The following CLEC16A variants were observed in gnomAD, a reference collection of about 807,000 sequenced individuals.
The protein encoded by CLEC16A is C-type lectin domain containing 16A.
In CLEC16A, 51 loss-of-function variants were observed where a neutral mutation model predicts 109.5. That is an observed-to-expected ratio of 0.47 (90% CI 0.37 to 0.59). The LOEUF is 0.59. Among genes scored for constraint, CLEC16A ranks in the 20% least tolerant of loss-of-function variants. CLEC16A has a pLI of 0.00. For synonymous variants in CLEC16A, 673 were observed against 564.2 expected (o/e 1.19, Z -2.73); for missense variants, 1,339 against 1,394.0 (o/e 0.96, Z 0.63).
At chr16:11,155,459 T>C (rs1256329616) in intron 22 of CLEC16A, among the ~76,000 whole-genome samples, 2 of 152,206 alleles carry the variant, frequency 1.3e-5, no homozygotes, top group Non-Finnish European at 2.9e-5. Flanking sequence ...CCCCTGCAGA[T>C]AGCAGAAGGC....
chr16:11,103,497 T>C (rs2051042187), intron 19 of CLEC16A, among the ~76,000 whole-genome samples: 1 of 152,198 alleles, frequency 6.6e-6, no homozygotes, highest in Non-Finnish European at 1.5e-5. Flanking sequence ...GGGGAATCAC[T>C]TGAACCTGGC....
intron 23 of CLEC16A, among the ~76,000 whole-genome samples, chr16:11,170,372 A>G (rs577517022): frequency 6.6e-6 from 1 of 152,232 alleles, no homozygotes; most frequent in African/African-American, 2.4e-5. Context: ...ACGTGGGTTC[A>G]TCCCACATGA....
chr16:11,057,424 G>A (rs1213932947), intron 18 of CLEC16A, among the ~76,000 whole-genome samples: 1 of 152,224 alleles, frequency 6.6e-6, no homozygotes, highest in Admixed American at 6.5e-5. Context: ...CTGGGCTTGG[G>A]CACGTCACGT....
rs752723469 is a variant in CLEC16A at position 11,142,847 on chromosome 16, A to G, written c.2641+16701A>G. ...TTTTTTGGAGACAGAGTCTTGCTCT[A>G]TCACCCAGGCTGGAGTGCAGTGGCA... On this transcript the variant is annotated intron_variant, in intron 22 of 23. Coordinates refer to ENST00000409790, the MANE Select transcript of CLEC16A (RefSeq NM_015226.3). Among the ~76,000 whole-genome samples, 10 of 152,152 alleles carry G rather than the reference A, an allele frequency of 6.6e-5. 1 individual carries two copies. The East Asian group carries it at 1.2e-3, about 18-fold the overall frequency.
chr16:11,114,212 C>T lies in CLEC16A; in HGVS notation c.2117-6403C>T, dbSNP rs553804050. Reference sequence around the variant, plus strand: ...AATCCCCATTCCTGGCTGCCCCCTTCCCCTCATCTGTGAATGGCCTATGCA... The same window carrying T: ...AATCCCCATTCCTGGCTGCCCCCTTTCCCTCATCTGTGAATGGCCTATGCA... On this transcript the variant is annotated intron_variant, in intron 19 of 23. Transcript: ENST00000409790. Among the ~76,000 whole-genome samples the T allele has an allele frequency of 1.1e-4, 16 of 151,258 alleles. No homozygotes were observed. In the South Asian group the frequency reaches 3.1e-3, roughly 30 times the overall value.
At chr16:11,063,818 TGTTTTTCAC>T (rs146884778) in intron 19 of CLEC16A, among the ~76,000 whole-genome samples, 4,505 of 151,990 alleles carry the variant, frequency 0.03, 96 homozygotes, top group Non-Finnish European at 0.042. Flanking sequence ...AAGCCTGTTT[TGTTTTTCAC>T]TAGAGAGGAG....
At chr16:11,091,454 GC>G (rs891549976) in intron 19 of CLEC16A, among the ~76,000 whole-genome samples, 2 of 152,218 alleles carry the variant, frequency 1.3e-5, no homozygotes, top group African/African-American at 4.8e-5. Context: ...GGCGGGTGGG[GC>G]TGTGTGCCCT....
At chr16:11,115,095 A>G (rs1178312348) in intron 19 of CLEC16A, among the ~76,000 whole-genome samples, 1 of 152,204 alleles carries the variant, frequency 6.6e-6, no homozygotes, top group African/African-American at 2.4e-5. Flanking sequence ...TCAGGCAGCC[A>G]GGCTCTATGA....
chr16:11,160,266 G>T (rs898823252), intron 22 of CLEC16A, among the ~76,000 whole-genome samples: 6 of 152,140 alleles, frequency 3.9e-5, no homozygotes, highest in African/African-American at 7.2e-5. Flanking sequence ...AACTTTTGGT[G>T]CAAGCCCACT....
chr16:11,074,931 G>C (rs539853882), intron 19 of CLEC16A, among the ~76,000 whole-genome samples: 4 of 152,108 alleles, frequency 2.6e-5, no homozygotes, highest in African/African-American at 9.6e-5. Context: ...CCAGCACTTT[G>C]GGAGGCTGAG....
At chr16:11,007,062 T>C (rs114082310) in intron 11 of CLEC16A, among the ~76,000 whole-genome samples, 2,109 of 152,308 alleles carry the variant, frequency 0.014, 50 homozygotes, top group African/African-American at 0.048. Flanking sequence ...GTTATCTCTT[T>C]TGGAATTTAC....
At chr16:11,065,438 C>A (rs1375955143) in intron 19 of CLEC16A, among the ~76,000 whole-genome samples, 2 of 152,214 alleles carry the variant, frequency 1.3e-5, no homozygotes. Context: ...GAAGCCCATT[C>A]AATGAAGACC....
intron 22 of CLEC16A, among the ~76,000 whole-genome samples, chr16:11,131,971 C>T (rs891926649): frequency 4.6e-5 from 7 of 152,248 alleles, no homozygotes; most frequent in African/African-American, 1.7e-4. Context: ...TGGCTGGTTC[C>T]TTCTCAGCAC....
intron 22 of CLEC16A, among the ~76,000 whole-genome samples, chr16:11,165,202 A>G (rs1210825976): frequency 1.3e-5 from 2 of 152,230 alleles, no homozygotes; most frequent in Admixed American, 6.5e-5. Context: ...CGTAAAGAAC[A>G]CGTATCGGCC....
chr16:10,985,376 C>G (rs1284204053), intron 10 of CLEC16A, among the ~76,000 whole-genome samples: 1 of 151,700 alleles, frequency 6.6e-6, no homozygotes, highest in African/African-American at 2.4e-5. Context: ...GGAATCTTCT[C>G]CAACAGTCAG....
At chr16:10,982,594 C>T (rs1033514414) in intron 9 of CLEC16A, among the ~76,000 whole-genome samples, 4 of 152,190 alleles carry the variant, frequency 2.6e-5, no homozygotes, top group Non-Finnish European at 4.4e-5. Flanking sequence ...CCACTTCAGC[C>T]GGATTTGGCT....
At chr16:11,022,037 A>C (rs1338054382) in intron 12 of CLEC16A, among the ~76,000 whole-genome samples, 4 of 152,034 alleles carry the variant, frequency 2.6e-5, no homozygotes, top group African/African-American at 9.7e-5. Context: ...TGGTGGAGAG[A>C]AGGGTTTTCT....
intron 18 of CLEC16A, among the ~76,000 whole-genome samples, chr16:11,052,140 A>G (rs1166363309): frequency 1.3e-5 from 2 of 152,200 alleles, no homozygotes; most frequent in African/African-American, 4.8e-5. Flanking sequence ...TCTCAGAACC[A>G]GCTGCAGTGT....
chr16:11,017,567 G>A (rs1275455547), intron 11 of CLEC16A, among the ~76,000 whole-genome samples: 1 of 152,200 alleles, frequency 6.6e-6, no homozygotes, highest in Non-Finnish European at 1.5e-5. Context: ...ACAGAGTATG[G>A]TATGGAAGGA....
Sources: gnomAD v4.1 joint callset for allele counts (sites outside exome capture counted in the v4.1 genomes callset) on GRCh38, gnomAD v4.1.1 for gene constraint, MANE v1.5 for transcripts, NCBI Gene and HGNC (gene_info 2026-07-23, HGNC 2026-07-21) for gene names.